The following SNX29 variants were observed in gnomAD, a reference collection of about 807,000 sequenced individuals.
SNX29 encodes the protein sorting nexin-29.
In SNX29, 78 loss-of-function variants were observed where a neutral mutation model predicts 102.1. That is an observed-to-expected ratio of 0.76 (90% confidence interval 0.64 to 0.92). The LOEUF is 0.92. Ranked by LOEUF, SNX29 falls within the 40% of genes least tolerant of loss-of-function variation. The probability of loss-of-function intolerance (pLI) is 0.00; values close to 1 mark genes in which losing one functional copy is unlikely to be tolerated. For synonymous variants in SNX29, 580 were observed against 414.5 expected (o/e 1.40, Z -4.85); for missense variants, 1,280 against 1,061.7 (o/e 1.21, Z -2.86).
intron 19 of SNX29, among the ~76,000 whole-genome samples, chr16:12,510,821 C>T (rs1223867820): frequency 6.6e-6 from 1 of 152,146 alleles, no homozygotes; most frequent in Non-Finnish European, 1.5e-5. Flanking sequence ...GAGCCCACAG[C>T]TTTCCTGCCA....
intron 11 of SNX29, among the ~76,000 whole-genome samples, chr16:12,112,997 C>T (rs2053558105): frequency 2.0e-5 from 3 of 152,186 alleles, no homozygotes; most frequent in South Asian, 2.1e-4. Flanking sequence ...GACTCTGAGT[C>T]TCAGGAGATC....
chr16:12,456,048 T>G (rs2086525650), intron 18 of SNX29, among the ~76,000 whole-genome samples: 1 of 152,206 alleles, frequency 6.6e-6, no homozygotes, highest in Admixed American at 6.5e-5. Context: ...TGATGTTCAT[T>G]TATTCATCTG....
chr16:12,548,477 T>C (rs915141014), intron 20 of SNX29, among the ~76,000 whole-genome samples: 4 of 152,230 alleles, frequency 2.6e-5, no homozygotes, highest in Non-Finnish European at 5.9e-5. Flanking sequence ...CACCGGGCTT[T>C]CAGGATGACT....
intron 2 of SNX29, among the ~76,000 whole-genome samples, chr16:11,999,767 G>T (rs930462682): frequency 6.6e-6 from 1 of 152,096 alleles, no homozygotes; most frequent in African/African-American, 2.4e-5. Context: ...AGGGTGTGGT[G>T]GCAGGCACCT....
intron 14 of SNX29, among the ~76,000 whole-genome samples, chr16:12,241,245 G>C (rs1267067285): frequency 6.6e-6 from 1 of 152,132 alleles, no homozygotes; most frequent in Non-Finnish European, 1.5e-5. Context: ...CATTGGCCTG[G>C]TAGTCTCTTA....
intron 16 of SNX29, among the ~76,000 whole-genome samples, chr16:12,386,840 C>G (rs1349042385): frequency 6.6e-6 from 1 of 152,144 alleles, no homozygotes; most frequent in Non-Finnish European, 1.5e-5. Flanking sequence ...AGAGCCACAC[C>G]TAGGTCGGGC....
chr16:12,068,450 A>G (rs1596760346), intron 9 of SNX29, among the ~76,000 whole-genome samples: 1 of 140,540 alleles, frequency 7.1e-6, no homozygotes, highest in Non-Finnish European at 1.5e-5. Flanking sequence ...ATCACACACC[A>G]CCACTGCACT....
intron 11 of SNX29, among the ~76,000 whole-genome samples, chr16:12,124,548 A>G (rs1437619193): frequency 6.6e-6 from 1 of 152,172 alleles, no homozygotes; most frequent in Non-Finnish European, 1.5e-5. Flanking sequence ...AAGATGGCAT[A>G]TATGTTTGTT....
chr16:12,171,109 A>T (rs2076140730), intron 13 of SNX29, among the ~76,000 whole-genome samples: 1 of 152,084 alleles, frequency 6.6e-6, no homozygotes, highest in Non-Finnish European at 1.5e-5. Context: ...CTAGCTCCTC[A>T]TGGACCCTGT....
At chr16:12,375,343 G>A (rs566868626) in intron 16 of SNX29, 4 of 152,226 alleles carry the variant, frequency 2.6e-5, no homozygotes, top group African/African-American at 7.2e-5. Context: ...ATCTTTCTCT[G>A]TGTAACAAAT....
At chr16:12,048,326 A>T in intron 6 of SNX29, 46 bp from the exon 7 acceptor site, 1 of 1,613,134 alleles carries the variant, frequency 6.2e-7, no homozygotes, top group South Asian at 1.1e-5. Flanking sequence ...TGCTGGTATG[A>T]CTGCCCATCA....
At chr16:12,440,843 A>G (rs1048325919) in intron 18 of SNX29, among the ~76,000 whole-genome samples, 1 of 152,132 alleles carries the variant, frequency 6.6e-6, no homozygotes, top group African/African-American at 2.4e-5. Flanking sequence ...CGTATCATCG[A>G]TGGGCATTGA....
At chr16:12,552,093 T>TC (rs1451818937) in intron 20 of SNX29, among the ~76,000 whole-genome samples, 1 of 152,234 alleles carries the variant, frequency 6.6e-6, no homozygotes, top group African/African-American at 2.4e-5. Context: ...AACTGTGCTA[T>TC]CCTCAGTGAG....
At chr16:12,093,517 G>C (rs1213937463) in intron 11 of SNX29, 1 of 152,276 alleles carries the variant, frequency 6.6e-6, no homozygotes, top group African/African-American at 2.4e-5. Context: ...GGAAGGTTGA[G>C]GCAGGAGGAT....
At position 12,403,521 on chromosome 16, in the gene SNX29, G is replaced by C; in HGVS notation, c.2029G>C (p.Val677Leu). 6.2e-7 allele frequency: 1 copy of C among 1,604,760 alleles called. No homozygotes were observed. Residue 677 changes from valine to leucine, a missense_variant, in exon 18 of 21, where the codon GTG (valine) becomes CTG (leucine). Physicochemically the swap from Val to Leu is conservative, Grantham distance 32. Coordinates refer to ENST00000566228, the MANE Select transcript of SNX29 (RefSeq NM_032167.5). ...LRGKAANAFH[V>L]YQVYIRIKDD... ...GGGCAAAGCAGCAAATGCATTCCAC[G>C]TGTATCAGGTGAGTGCCTGGTTTTC...
rs769524592 is a variant in SNX29 at position 12,553,588 on chromosome 16, T to TCCCCACCCCCCACC, written c.2319-14915_2319-14902dup. Among the ~76,000 whole-genome samples the TCCCCACCCCCCACC allele has an allele frequency of 4.6e-5, 6 of 131,140 alleles. No individual in the cohort carries two copies. In the East Asian group the frequency reaches 8.1e-4, roughly 18 times the overall value. The allele number at this position is 131,140 out of a possible 152,430, so 86.0% of individuals were successfully genotyped here. A position where few individuals can be genotyped will look rare whatever the true frequency, so the allele number is the denominator to read the frequency against. The stretch of plus-strand genomic sequence containing the variant: ...GCTGTGGGCTCTGAGGATGCTTTGT[T>TCCCCACCCCCCACC]CCCCACCCCCCACCCCTGCAAGATG... On this transcript the variant is annotated intron_variant, in intron 20 of 20. Coordinates refer to ENST00000566228, the MANE Select transcript of SNX29 (RefSeq NM_032167.5).
chr16:12,445,523 A>G (rs898742468), intron 18 of SNX29, among the ~76,000 whole-genome samples: 3 of 152,330 alleles, frequency 2.0e-5, no homozygotes, highest in African/African-American at 2.4e-5. Flanking sequence ...TAGGTGCTCA[A>G]TACCTATGAA....
chr16:12,009,681 G>T (rs1231567927), intron 3 of SNX29, among the ~76,000 whole-genome samples: 1 of 152,044 alleles, frequency 6.6e-6, no homozygotes, highest in East Asian at 1.9e-4. Flanking sequence ...TCTCTTTGTT[G>T]GTGGTGTTTT....
intron 14 of SNX29, among the ~76,000 whole-genome samples, chr16:12,216,920 G>A (rs2077340724): frequency 6.6e-6 from 1 of 152,176 alleles, no homozygotes; most frequent in African/African-American, 2.4e-5. Flanking sequence ...AGGGATGCTG[G>A]GAAACATAGT....
Sources: gnomAD v4.1 joint callset for allele counts (sites outside exome capture counted in the v4.1 genomes callset) on GRCh38, gnomAD v4.1.1 for gene constraint, MANE v1.5 for transcripts, NCBI Gene and HGNC (gene_info 2026-07-23, HGNC 2026-07-21) for gene names.